DST: variants seen among roughly 807,000 people sequenced by gnomAD.
DST encodes dystonin.
DST carries 253 observed loss-of-function variants against 875.2 expected under a neutral mutation model. That is an observed-to-expected ratio of 0.29 (90% confidence interval 0.26 to 0.32). The LOEUF (loss-of-function observed/expected upper bound fraction) is 0.32. DST is among the 10% of genes least tolerant of loss of function. The pLI, the probability that DST is intolerant of heterozygous loss-of-function variation, is 1.00. For missense variants in DST, 8,287 were observed against 9,111.6 expected (o/e 0.91, Z 3.68); for synonymous variants, 3,124 against 3,197.1 (o/e 0.98, Z 0.77).
At chr6:56,913,805 T>G (rs1799730569) in intron 2 of DST, among the ~76,000 whole-genome samples, 2 of 152,240 alleles carry the variant, frequency 1.3e-5, no homozygotes, top group African/African-American at 4.8e-5. Flanking sequence ...TGTTTGTAGT[T>G]TCTAGGCAGA....
intron 4 of DST, among the ~76,000 whole-genome samples, chr6:56,801,758 T>TTG: frequency 6.6e-6 from 1 of 150,750 alleles, no homozygotes; most frequent in Non-Finnish European, 1.5e-5. Flanking sequence ...TTTTTTTTTT[T>TTG]TTTTTTTTTG....
rs2098721549 is a variant in DST at position 56,625,065 on chromosome 6, A to G, written c.4830+92T>C. ...TTGTTAAAATAGTAAGTTTTATACTATGTATATTTTACCACAACAAAAAAT... is the reference window on the plus strand; with the variant it reads ...TTGTTAAAATAGTAAGTTTTATACTGTGTATATTTTACCACAACAAAAAAT... On this transcript the variant is annotated intron_variant, in intron 35 of 103. Transcript: ENST00000680361. 1.4e-5 allele frequency: 12 copies of G among 865,456 alleles called. 2 individuals are homozygous for G. In the South Asian group the frequency reaches 1.6e-4, roughly 12 times the overall value. The allele number at this position is 865,456 out of a possible 1,614,324, so 53.6% of individuals were successfully genotyped here.
At chr6:56,763,018 T>G (rs2099621295) in intron 4 of DST, among the ~76,000 whole-genome samples, 1 of 151,900 alleles carries the variant, frequency 6.6e-6, no homozygotes, top group Non-Finnish European at 1.5e-5. Context: ...ACCCAGCTAA[T>G]TTTGTATTTT....
chr6:56,651,780 C>T (rs753412321), intron 10 of DST, among the ~76,000 whole-genome samples: 6 of 152,158 alleles, frequency 3.9e-5, no homozygotes, highest in Admixed American at 6.6e-5. Flanking sequence ...GTCTCTGTTT[C>T]CTGAACTCAT....
At position 56,493,086 on chromosome 6, in the gene DST, T is replaced by C. The variant is rs375691814; in HGVS notation, c.20398A>G (p.Lys6800Glu). The change falls in exon 84 of 104, where the codon AAA becomes GAA. Residue 6800 changes from lysine (K) to glutamate (E), a missense_variant. Around this residue, in one of 10 missense-constraint regions of DST, gnomAD observed 1,292 missense variants for 1,552.7 expected, o/e 0.83. Coordinates refer to ENST00000680361, the MANE Select transcript of DST (RefSeq NM_001374736.1). ...VETKLNERKT[K>E]LEEALNLAME... is the part of the protein sequence containing the mutation. ...GCCAAGTTGAGAGCCTCTTCCAGTTTAGTCTGCAAGGACAGATTGTTTAGT... is the reference window on the plus strand; with the variant it reads ...GCCAAGTTGAGAGCCTCTTCCAGTTCAGTCTGCAAGGACAGATTGTTTAGT... 1.3e-5 allele frequency: 21 copies of C among 1,609,952 alleles called. No individual in the cohort carries two copies. The highest frequency in any genetic ancestry group is 1.7e-5 in the Non-Finnish European group (20 of 1,177,894).
chr6:56,621,136 A>C (rs1045078104), intron 36 of DST, among the ~76,000 whole-genome samples: 6 of 152,168 alleles, frequency 3.9e-5, no homozygotes, highest in African/African-American at 1.4e-4. Flanking sequence ...ACATAATCCT[A>C]AGAGGTAGGA....
At chr6:56,491,451 G>T (rs1022606655) in intron 85 of DST, among the ~76,000 whole-genome samples, 2 of 152,110 alleles carry the variant, frequency 1.3e-5, no homozygotes, top group Non-Finnish European at 2.9e-5. Flanking sequence ...GTCAAGCGAG[G>T]TAGGTACACC....
At position 56,636,623 on chromosome 6, in the gene DST, C is replaced by T; in HGVS notation, c.2994G>A (p.Trp998Ter). 6.2e-7 allele frequency: 1 copy of T among 1,613,670 alleles called. No homozygotes were observed. Among genetic ancestry groups the T allele is most frequent in the Non-Finnish European group, 8.5e-7 (1 of 1,179,978 alleles). ...EAYRAAMQTQ[W>*]SWILQLCQCV... is the part of the protein sequence containing the mutation. ...ACTGGCAGAGCTGTAAGATCCAGCT[C>T]CACTGCGTCTGCATTGCCGCTCTGT... The change falls in exon 23 of 104, where the codon TGG becomes TGA. Residue 998 changes from tryptophan to a stop codon, truncating the protein, a stop_gained. Transcript: ENST00000680361. LOFTEE classifies it high-confidence loss of function.
chr6:56,620,526 T>C (rs2098680596), intron 36 of DST: 1 of 1,614,102 alleles, frequency 6.2e-7, no homozygotes, highest in African/African-American at 1.3e-5. Flanking sequence ...CTCAATTCAT[T>C]TTCTGCAGCC....
chr6:56,587,167 A>T (rs2098170531), intron 49 of DST, among the ~76,000 whole-genome samples: 1 of 152,098 alleles, frequency 6.6e-6, no homozygotes, highest in Non-Finnish European at 1.5e-5. Context: ...CTTTGAAAAA[A>T]ATTTAGACGA....
chr6:56,755,848 T>A (rs547101847), intron 4 of DST, among the ~76,000 whole-genome samples: 1 of 152,334 alleles, frequency 6.6e-6, no homozygotes, highest in East Asian at 1.9e-4. Context: ...GCAAGACACA[T>A]AGCCTTGCTA....
chr6:56,915,863 C>T (rs1376554328), intron 2 of DST, among the ~76,000 whole-genome samples: 3 of 152,188 alleles, frequency 2.0e-5, no homozygotes, highest in African/African-American at 4.8e-5. Context: ...AATCTTACAA[C>T]GATAGCCATA....
intron 4 of DST, among the ~76,000 whole-genome samples, chr6:56,801,588 T>TATA (rs1238126563): frequency 2.0e-5 from 3 of 152,232 alleles, no homozygotes; most frequent in Admixed American, 2.0e-4. Context: ...ACTTCATCTT[T>TATA]ATAACTACAT....
intron 4 of DST, among the ~76,000 whole-genome samples, chr6:56,795,716 A>C: frequency 6.6e-6 from 1 of 152,178 alleles, no homozygotes; most frequent in African/African-American, 2.4e-5. Context: ...GTTAAGAATC[A>C]CAATCCTATA....
Position 56,700,159 on chromosome 6 carries a change from C to T in DST, c.955-414G>A, listed in dbSNP as rs564290617. The stretch of plus-strand genomic sequence containing the variant: ...CTGTGCATTTGAGGGATCTAGGTTG[C>T]GCACGCACTCCTTATAAAAATCTAA... On this transcript the variant is annotated intron_variant, in intron 8 of 103. Transcript: ENST00000680361. 1.2e-4 allele frequency among the ~76,000 whole-genome samples: 18 copies of T among 152,226 alleles called. No homozygotes were observed. The East Asian group carries it at 2.1e-3, about 18-fold the overall frequency.
At chr6:56,857,745 C>T (rs949012582) in intron 3 of DST, among the ~76,000 whole-genome samples, 1 of 152,092 alleles carries the variant, frequency 6.6e-6, no homozygotes. Flanking sequence ...TTAACTTCCT[C>T]GATGTTGTAT....
intron 15 of DST, among the ~76,000 whole-genome samples, chr6:56,645,665 C>T (rs1277250903): frequency 6.6e-6 from 1 of 152,098 alleles, no homozygotes; most frequent in Non-Finnish European, 1.5e-5. Context: ...TCCAGCCTAG[C>T]CGGTCATTTA....
At chr6:56,845,292 T>C (rs1467862909) in intron 4 of DST, among the ~76,000 whole-genome samples, 1 of 152,196 alleles carries the variant, frequency 6.6e-6, no homozygotes, top group Non-Finnish European at 1.5e-5. Context: ...TTTGTTAGCG[T>C]TGGGTGTTGT....
At chr6:56,583,876 C>A (rs1562976214) in intron 49 of DST, among the ~76,000 whole-genome samples, 1 of 151,856 alleles carries the variant, frequency 6.6e-6, no homozygotes, top group Admixed American at 6.6e-5. Context: ...TTGCTTTTGT[C>A]AGGTTTATCA....
Sources: allele counts gnomAD v4.1 joint callset (sites outside exome capture counted in the v4.1 genomes callset), GRCh38; gene constraint gnomAD v4.1.1; regional missense constraint gnomAD v4.1.1; transcripts MANE v1.5; gene names NCBI Gene and HGNC (gene_info 2026-07-23, HGNC 2026-07-21).